The following USP25 variants were observed in gnomAD, a reference collection of about 807,000 sequenced individuals.
USP25 encodes the protein ubiquitin specific peptidase 25.
USP25 carries 85 observed loss-of-function variants against 158.5 expected under a neutral mutation model. That is an observed-to-expected ratio of 0.54 (90% CI 0.45 to 0.64). The LOEUF (loss-of-function observed/expected upper bound fraction) is 0.64. Ranked by LOEUF, USP25 falls within the 30% of genes least tolerant of loss-of-function variation. USP25 has a pLI of 0.00. For synonymous variants in USP25, 464 were observed against 460.4 expected (o/e 1.01, Z -0.10); for missense variants, 1,242 against 1,327.3 (o/e 0.94, Z 1.00).
At chr21:15,770,267 A>G (rs2034279461) in intron 3 of USP25, among the ~76,000 whole-genome samples, 1 of 152,176 alleles carries the variant, frequency 6.6e-6, no homozygotes, top group African/African-American at 2.4e-5. Context: ...TGACTCACAG[A>G]AAGTCAAGAT....
chr21:15,878,144 G>A (rs548594881), intron 25 of USP25, among the ~76,000 whole-genome samples, 153 bp downstream of exon 25: 1 of 152,228 alleles, frequency 6.6e-6, no homozygotes, highest in East Asian at 1.9e-4. Flanking sequence ...CCATATTGAT[G>A]AACTAAGCTG....
intron 22 of USP25, among the ~76,000 whole-genome samples, chr21:15,869,580 T>G (rs2039800352): frequency 1.3e-5 from 2 of 152,264 alleles, no homozygotes; most frequent in South Asian, 4.1e-4. Flanking sequence ...CCTACACACT[T>G]AAAGTCAAAT....
intron 9 of USP25, among the ~76,000 whole-genome samples, chr21:15,817,658 G>C (rs1036618967): frequency 2.0e-5 from 3 of 152,144 alleles, no homozygotes; most frequent in Admixed American, 6.5e-5. Context: ...AAGGTGAAGG[G>C]CATGTCTCAC....
intron 1 of USP25, among the ~76,000 whole-genome samples, chr21:15,732,508 G>C (rs1440048483): frequency 1.3e-5 from 2 of 152,168 alleles, no homozygotes; most frequent in African/African-American, 4.8e-5. Flanking sequence ...TTCACACTTA[G>C]AAGAAACAAA....
chr21:15,750,214 GTTTT>G (rs35867462), intron 1 of USP25, among the ~76,000 whole-genome samples: 65 of 65,634 alleles, frequency 9.9e-4, no homozygotes, highest in African/African-American at 3.2e-3. Flanking sequence ...GTGTGTGTAT[GTTTT>G]TTTTTTTTTT....
chr21:15,785,477 C>T (rs2060607587), intron 4 of USP25, among the ~76,000 whole-genome samples: 2 of 152,078 alleles, frequency 1.3e-5, no homozygotes, highest in Admixed American at 6.6e-5. Flanking sequence ...AAGTATTTTA[C>T]CAGATCACAA....
intron 1 of USP25, among the ~76,000 whole-genome samples, chr21:15,753,485 T>C (rs2033170160): frequency 6.6e-6 from 1 of 152,168 alleles, no homozygotes; most frequent in African/African-American, 2.4e-5. Flanking sequence ...TTATTTGCAA[T>C]AGGGAATTTC....
intron 21 of USP25, 33 bp downstream of exon 21, chr21:15,864,479 A>G: frequency 6.5e-7 from 1 of 1,544,810 alleles, no homozygotes; most frequent in Non-Finnish European, 8.7e-7. Flanking sequence ...ATATGCTCAA[A>G]TCGTTCTTTT....
At chr21:15,805,386 C>A in intron 7 of USP25, 128 bp downstream of exon 7, 1 of 912,854 alleles carries the variant, frequency 1.1e-6, no homozygotes, top group Non-Finnish European at 1.5e-6. Context: ...AACCTGGAAC[C>A]ATTTAAAACA....
At chr21:15,867,037 A>G (rs1355536145) in intron 22 of USP25, among the ~76,000 whole-genome samples, 1 of 152,154 alleles carries the variant, frequency 6.6e-6, no homozygotes, top group Non-Finnish European at 1.5e-5. Context: ...TATGTTTGTC[A>G]TGAGACAGTG....
intron 6 of USP25, 152 bp downstream of exon 6, chr21:15,799,995 T>C (rs1280597895): frequency 1.4e-5 from 6 of 442,216 alleles, no homozygotes; most frequent in Non-Finnish European, 2.4e-5. Flanking sequence ...CAAGTTCTTA[T>C]CCTTTGTTAA....
At chr21:15,744,118 G>GGTCA (rs2032315055) in intron 1 of USP25, 2 of 153,602 alleles carry the variant, frequency 1.3e-5, no homozygotes, top group Middle Eastern at 8.4e-4. Flanking sequence ...AGATGACCCT[G>GGTCA]GTCAGCTCTG....
intron 9 of USP25, among the ~76,000 whole-genome samples, chr21:15,813,153 T>A (rs968695532): frequency 1.3e-5 from 2 of 152,220 alleles, no homozygotes; most frequent in Non-Finnish European, 2.9e-5. Flanking sequence ...ATCATGAATT[T>A]GAGTGATACT....
intron 17 of USP25, 25 bp from the exon 18 acceptor site, chr21:15,842,373 T>C: frequency 1.9e-6 from 3 of 1,609,726 alleles, no homozygotes; most frequent in Non-Finnish European, 1.7e-6. Context: ...ATATTAGATA[T>C]ATAATTGATT....
chr21:15,761,661 C>T (rs1473321329), intron 1 of USP25, among the ~76,000 whole-genome samples: 1 of 152,196 alleles, frequency 6.6e-6, no homozygotes, highest in Non-Finnish European at 1.5e-5. Context: ...TGGCAGGCCA[C>T]TGCACCTGTG....
rs75718828 is a variant in USP25, at chr21:15,839,328, T to A, written c.2195-3070T>A. On this transcript the variant is annotated intron_variant, in intron 17 of 25. Coordinates refer to ENST00000400183, the MANE Select transcript of USP25 (RefSeq NM_001283041.3). ...GCTGTGGGCCACTAGTGATGGGGTT[T>A]TTAATAGGGTTAGAGGATGAACAAC... Among the ~76,000 whole-genome samples, 1,415 of 152,190 alleles carry A rather than the reference T, an allele frequency of 9.3e-3. 20 individuals carry two copies. Among genetic ancestry groups the A allele is most frequent in the African/African-American group, 0.033 (1,354 of 41,536 alleles).
At chr21:15,849,460 T>C (rs2038785472) in intron 19 of USP25, among the ~76,000 whole-genome samples, 1 of 152,142 alleles carries the variant, frequency 6.6e-6, no homozygotes, top group South Asian at 2.1e-4. Flanking sequence ...TAAAAAGGGA[T>C]GTTGCTTTTT....
intron 8 of USP25, among the ~76,000 whole-genome samples, chr21:15,810,864 A>G (rs1387321082): frequency 6.6e-6 from 1 of 152,260 alleles, no homozygotes; most frequent in East Asian, 1.9e-4. Context: ...AACTGTGTCA[A>G]TTTCTCTTCC....
At position 15,842,070 on chromosome 21, in the gene USP25, C is replaced by G. The variant is rs573657979; in HGVS notation, c.2195-328C>G. On this transcript the variant is annotated intron_variant, in intron 17 of 25. Coordinates refer to ENST00000400183, the MANE Select transcript of USP25 (RefSeq NM_001283041.3). Reference sequence around the variant, plus strand: ...GGAAAGTCAGCCCAAGATTGCTGTTCAAACCAAATTCTTTTGGTAAAATGC... The same window carrying G: ...GGAAAGTCAGCCCAAGATTGCTGTTGAAACCAAATTCTTTTGGTAAAATGC... Among the ~76,000 whole-genome samples the G allele has an allele frequency of 2.0e-5, 3 of 152,238 alleles. No homozygotes were observed. The East Asian group carries it at 5.8e-4, about 29-fold the overall frequency.
Sources: gnomAD v4.1 joint callset for allele counts (sites outside exome capture counted in the v4.1 genomes callset) on GRCh38, gnomAD v4.1.1 for gene constraint, MANE v1.5 for transcripts, NCBI Gene and HGNC (gene_info 2026-07-23, HGNC 2026-07-21) for gene names.